The following MAST2 variants were observed in gnomAD, a reference collection of about 807,000 sequenced individuals.
The protein encoded by MAST2 is microtubule associated serine/threonine kinase 2.
Under a neutral mutation model 147.4 loss-of-function variants are expected in MAST2, and 70 were observed. The observed-to-expected ratio is 0.47, with a 90% CI of 0.39 to 0.58. The LOEUF (loss-of-function observed/expected upper bound fraction) is 0.58. Among genes scored for constraint, MAST2 ranks in the 20% least tolerant of loss-of-function variants. MAST2 has a pLI of 0.00. For synonymous variants in MAST2, 869 were observed against 896.8 expected, an observed-to-expected ratio of 0.97 and a Z score of 0.55; for missense variants, 2,080 against 2,302.3, an observed-to-expected ratio of 0.90 and a Z score of 1.98.
At chr1:46,022,770 C>G in intron 12 of MAST2, 140 bp from the exon 13 acceptor site, 1 of 688,946 alleles carries the variant, frequency 1.5e-6, no homozygotes, top group Admixed American at 2.2e-5. Context: ...GGGTATAGTG[C>G]CATGGGACTG....
chr1:45,932,663 A>T (rs1655499616), intron 4 of MAST2, among the ~76,000 whole-genome samples: 1 of 151,902 alleles, frequency 6.6e-6, no homozygotes. Flanking sequence ...ACAGAGTGAG[A>T]CTCTGTCTTT....
intron 3 of MAST2, among the ~76,000 whole-genome samples, chr1:45,881,198 T>C (rs1646831067): frequency 6.6e-6 from 1 of 152,102 alleles, no homozygotes; most frequent in Non-Finnish European, 1.5e-5. Context: ...GAGTATTGTT[T>C]TAATGGAGAA....
intron 4 of MAST2, among the ~76,000 whole-genome samples, chr1:45,939,649 T>C (rs1172251884): frequency 6.6e-6 from 1 of 151,984 alleles, no homozygotes; most frequent in Non-Finnish European, 1.5e-5. Flanking sequence ...CAAGTGATTC[T>C]TGTGCCTCAG....
At chr1:45,886,522 C>G (rs553706876) in intron 4 of MAST2, among the ~76,000 whole-genome samples, 3 of 151,902 alleles carry the variant, frequency 2.0e-5, no homozygotes, top group Non-Finnish European at 4.4e-5. Flanking sequence ...GAAACTAAAT[C>G]ATTTTCATTT....
intron 2 of MAST2, among the ~76,000 whole-genome samples, chr1:45,826,978 T>C (rs1365227608): frequency 6.6e-6 from 1 of 151,452 alleles, no homozygotes; most frequent in Non-Finnish European, 1.5e-5. Context: ...ACAGGTGCCA[T>C]GCCACCACAC....
At chr1:45,850,167 A>G (rs1328905119) in intron 3 of MAST2, among the ~76,000 whole-genome samples, 1 of 151,936 alleles carries the variant, frequency 6.6e-6, no homozygotes, top group Non-Finnish European at 1.5e-5. Flanking sequence ...ATGGTATCTC[A>G]TTGTGGTTTT....
At chr1:45,823,551 G>C (rs957033489) in intron 1 of MAST2, among the ~76,000 whole-genome samples, 1 of 151,990 alleles carries the variant, frequency 6.6e-6, no homozygotes, top group Non-Finnish European at 1.5e-5. Context: ...GACCAGGCTG[G>C]TCTTGAACTC....
intron 3 of MAST2, among the ~76,000 whole-genome samples, chr1:45,848,101 G>A (rs1231731671): frequency 2.6e-5 from 4 of 152,190 alleles, no homozygotes; most frequent in Non-Finnish European, 5.9e-5. Flanking sequence ...TCTATAGAAT[G>A]TATAGGGAAC....
At chr1:45,832,168 G>C (rs1644978183) in intron 3 of MAST2, among the ~76,000 whole-genome samples, 1 of 152,110 alleles carries the variant, frequency 6.6e-6, no homozygotes, top group African/African-American at 2.4e-5. Context: ...AGCCTCGCCT[G>C]CTTCCCTTTT....
At position 46,021,911 on chromosome 1, in the gene MAST2, A is replaced by G. The variant is rs1252575237; in HGVS notation, c.1291-39A>G. On this transcript the variant is annotated intron_variant, in intron 11 of 28. Coordinates refer to ENST00000361297, the MANE Select transcript of MAST2 (RefSeq NM_015112.3). ...CCAAAGATGCCAGCAGCTTTCGCTT[A>G]TATCTGTCACCACTGACTATCTCTC... 3.7e-6 allele frequency: 6 copies of G among 1,609,624 alleles called. No individual in the cohort carries two copies. In the South Asian group the frequency reaches 5.5e-5, roughly 15 times the overall value.
At position 46,035,456 on chromosome 1, in the gene MAST2, C is replaced by G; in HGVS notation, c.4787C>G (p.Ser1596Cys). Residue 1596 changes from serine (S) to cysteine (C), a missense_variant, in exon 29 of 29, where the codon TCC becomes TGC. Physicochemically the swap from Ser to Cys is moderately radical, Grantham distance 112 (BLOSUM62 -1). This residue lies in a region of MAST2 where 1,278 missense variants were observed against 1,304.2 expected (regional missense o/e 0.98). Coordinates refer to ENST00000361297, the MANE Select transcript of MAST2 (RefSeq NM_015112.3). The surrounding 1 kb of genome is among the most constrained non-coding windows in gnomAD (Gnocchi z 5.5). ...GCCATTGAGGAGGCTGCCAGCTCCT[C>G]CTCAGCAGGCCCCAACCTAGGTCAG... ...PQAIEEAASS[S>C]SAGPNLGQSG... The G allele has an allele frequency of 6.2e-7, 1 of 1,613,278 alleles. No individual in the cohort carries two copies. Among genetic ancestry groups the G allele is most frequent in the South Asian group, 1.1e-5 (1 of 91,068 alleles).
chr1:45,931,834 A>G (rs148424591), intron 4 of MAST2, among the ~76,000 whole-genome samples: 20 of 152,202 alleles, frequency 1.3e-4, no homozygotes, highest in African/African-American at 4.6e-4. Context: ...AAATACAGGC[A>G]TACACTACCA....
intron 3 of MAST2, among the ~76,000 whole-genome samples, chr1:45,857,773 CCA>C (rs1208617041): frequency 6.6e-6 from 1 of 152,012 alleles, no homozygotes; most frequent in Non-Finnish European, 1.5e-5. Flanking sequence ...ATGACAGGCC[CCA>C]GTGTGTGATG....
intron 3 of MAST2, among the ~76,000 whole-genome samples, chr1:45,877,281 G>A (rs1646647026): frequency 6.6e-6 from 1 of 151,926 alleles, no homozygotes; most frequent in Non-Finnish European, 1.5e-5. Flanking sequence ...TTTTTGAGAT[G>A]GGGTCTTGCT....
rs192018538 is a variant in MAST2, at chr1:45,964,670, C to G, written c.592+5193C>G. Among the ~76,000 whole-genome samples the G allele has an allele frequency of 2.6e-4, 40 of 152,234 alleles. No individual in the cohort carries two copies. The South Asian group carries it at 7.9e-3, about 30-fold the overall frequency. ...TGTTGATCTTTTCAAAAAACCAGCT[C>G]CTGGATTCACTGATTTTTTTGAAGG... On this transcript the variant is annotated intron_variant, in intron 5 of 28. Transcript: ENST00000361297.
rs781295404 is a variant in MAST2, at chr1:45,824,486, C to G, written c.231C>G (p.Asp77Glu). 1 of 1,612,318 alleles carries G rather than the reference C, an allele frequency of 6.2e-7. No individual in the cohort carries two copies. Among genetic ancestry groups the G allele is most frequent in the Non-Finnish European group, 8.5e-7 (1 of 1,178,940 alleles). ...PLLFRKLSNP[D>E]IFSSTGKVKL... ...TCTTCAGGAAACTCAGTAATCCTGA[C>G]ATATTTTCATCCACTGGAAAAGTTA... The change falls in exon 2 of 29, where the codon GAC (aspartate) becomes GAG (glutamate). Residue 77 changes from aspartate (D) to glutamate (E), a missense_variant. Physicochemically the swap from Asp to Glu is conservative, Grantham distance 45. Around this residue, in one of 4 missense-constraint regions of MAST2, gnomAD observed 569 missense variants for 642.5 expected, o/e 0.89. Coordinates refer to ENST00000361297, the MANE Select transcript of MAST2 (RefSeq NM_015112.3).
At chr1:45,902,270 T>C (rs1172744469) in intron 4 of MAST2, among the ~76,000 whole-genome samples, 1 of 152,240 alleles carries the variant, frequency 6.6e-6, no homozygotes, top group African/African-American at 2.4e-5. Flanking sequence ...ATTCTGTTTA[T>C]GTGGTGAATC....
chr1:45,806,823 C>A (rs917417570), intron 1 of MAST2, among the ~76,000 whole-genome samples: 1 of 152,106 alleles, frequency 6.6e-6, no homozygotes, highest in Non-Finnish European at 1.5e-5. Flanking sequence ...ATGATCTGCC[C>A]GCCTTGGCCT....
chr1:46,032,455 G>C, intron 25 of MAST2, 51 bp downstream of exon 25: 2 of 1,606,118 alleles, frequency 1.2e-6, no homozygotes, highest in Admixed American at 1.7e-5. Context: ...CATCCTTCCA[G>C]CTTCCCCTTT....
Sources: allele counts gnomAD v4.1 joint callset (sites outside exome capture counted in the v4.1 genomes callset), GRCh38; gene constraint gnomAD v4.1.1; regional missense constraint gnomAD v4.1.1; non-coding constraint Gnocchi (gnomAD v3.1); transcripts MANE v1.5; gene names NCBI Gene and HGNC (gene_info 2026-07-23, HGNC 2026-07-21).